The following CSNK2A2IP variants were observed in gnomAD, a reference collection of about 807,000 sequenced individuals.
The protein encoded by CSNK2A2IP is casein kinase II subunit alpha'-interacting protein.
the CSNK2A2IP span, among the ~76,000 whole-genome samples, chr3:88,427,379 A>C: frequency 6.6e-6 from 1 of 152,192 alleles, no homozygotes. Context: ...AGGAAAGAAA[A>C]ACCCATTTTC....
At chr3:88,460,441 C>T in the CSNK2A2IP span, among the ~76,000 whole-genome samples, 1 of 152,150 alleles carries the variant, frequency 6.6e-6, no homozygotes, top group Non-Finnish European at 1.5e-5. Context: ...TCACTACCTG[C>T]CCCCACCTCA....
At chr3:88,386,316 G>C in the CSNK2A2IP span, among the ~76,000 whole-genome samples, 17 of 152,144 alleles carry the variant, frequency 1.1e-4, no homozygotes, top group African/African-American at 4.1e-4. Flanking sequence ...AGTAGAGACA[G>C]GGTTTCACCA....
chr3:88,382,662 C>T, the CSNK2A2IP span: 1 of 152,030 alleles, frequency 6.6e-6, no homozygotes, highest in Non-Finnish European at 1.5e-5. Context: ...GGAAGCAGGG[C>T]ATTGGGCCCA....
chr3:88,405,542 C>T, the CSNK2A2IP span, among the ~76,000 whole-genome samples: 7 of 152,168 alleles, frequency 4.6e-5, no homozygotes, highest in Admixed American at 4.6e-4. Flanking sequence ...CTTTGGCTTT[C>T]AGAAACCCTA....
chr3:88,436,598 G>A, the CSNK2A2IP span, among the ~76,000 whole-genome samples: 3 of 151,912 alleles, frequency 2.0e-5, no homozygotes, highest in Non-Finnish European at 2.9e-5. Context: ...ACTTTTAAAA[G>A]GAAAGAAATA....
the CSNK2A2IP span, chr3:88,338,559 C>T: frequency 6.6e-6 from 1 of 152,128 alleles, no homozygotes; most frequent in Non-Finnish European, 1.5e-5. Context: ...ACATTTGTTT[C>T]CTCACCAGTG....
the CSNK2A2IP span, among the ~76,000 whole-genome samples, chr3:88,362,880 T>C: frequency 6.6e-6 from 1 of 152,040 alleles, no homozygotes; most frequent in Non-Finnish European, 1.5e-5. Flanking sequence ...TCCCTAAGAC[T>C]CCTCTCTGCG....
the CSNK2A2IP span, among the ~76,000 whole-genome samples, chr3:88,437,509 C>A: frequency 6.6e-6 from 1 of 152,288 alleles, no homozygotes; most frequent in South Asian, 2.1e-4. Flanking sequence ...AGAAGAGACT[C>A]TTCAGTCATA....
At chr3:88,372,809 T>C in the CSNK2A2IP span, among the ~76,000 whole-genome samples, 1 of 151,388 alleles carries the variant, frequency 6.6e-6, no homozygotes, top group Non-Finnish European at 1.5e-5. Flanking sequence ...AATGTGCAAA[T>C]GGTAAGCATA....
chr3:88,449,037 T>C, the CSNK2A2IP span, among the ~76,000 whole-genome samples: 2 of 152,116 alleles, frequency 1.3e-5, no homozygotes, highest in African/African-American at 4.8e-5. Flanking sequence ...GGGCTTGCCC[T>C]CTCTCTCCCT....
At chr3:88,390,324 G>A in the CSNK2A2IP span, among the ~76,000 whole-genome samples, 1 of 152,132 alleles carries the variant, frequency 6.6e-6, no homozygotes, top group Non-Finnish European at 1.5e-5. Context: ...TAAACATCAG[G>A]TCATGAGATT....
the CSNK2A2IP span, among the ~76,000 whole-genome samples, chr3:88,426,146 G>T: frequency 6.6e-6 from 1 of 152,140 alleles, no homozygotes; most frequent in Non-Finnish European, 1.5e-5. Flanking sequence ...CATTGTTTTT[G>T]ATATTCATGC....
chr3:88,466,520 T>A, the CSNK2A2IP span: 3 of 1,231,822 alleles, frequency 2.4e-6, no homozygotes, highest in Non-Finnish European at 3.0e-6. Context: ...GCTTCAACAT[T>A]AGGTTTCAGA....
At chr3:88,348,761 C>T in the CSNK2A2IP span, among the ~76,000 whole-genome samples, 5 of 152,112 alleles carry the variant, frequency 3.3e-5, no homozygotes, top group African/African-American at 1.2e-4. Flanking sequence ...TTTTTACTAG[C>T]TGTCAGCTAC....
chr3:88,390,307 T>A, the CSNK2A2IP span, among the ~76,000 whole-genome samples: 3 of 152,160 alleles, frequency 2.0e-5, no homozygotes, highest in Admixed American at 2.0e-4. Context: ...AGCATTTTGG[T>A]AAAGGTTAAA....
chr3:88,453,047 C>A, the CSNK2A2IP span, among the ~76,000 whole-genome samples: 1 of 152,018 alleles, frequency 6.6e-6, no homozygotes, highest in Non-Finnish European at 1.5e-5. Context: ...CTGAGCTTGA[C>A]GAGGCAGAAA....
chr3:88,428,686 T>C, the CSNK2A2IP span, among the ~76,000 whole-genome samples: 1,306 of 152,262 alleles, frequency 8.6e-3, 16 homozygotes, highest in African/African-American at 0.029. Flanking sequence ...TCTAAAACTA[T>C]ACTGGATATT....
the CSNK2A2IP span, chr3:88,465,226 A>G: frequency 1.7e-5 from 8 of 467,096 alleles, no homozygotes; most frequent in East Asian, 2.1e-4. Context: ...TAACAGAAAT[A>G]TTGCAAGATA....
the CSNK2A2IP span, among the ~76,000 whole-genome samples, chr3:88,396,813 C>T: frequency 6.6e-6 from 1 of 152,060 alleles, no homozygotes; most frequent in South Asian, 2.1e-4. Context: ...TGGAGTAAAG[C>T]CATAGTTGAA....
Sources: allele counts gnomAD v4.1 joint callset (sites outside exome capture counted in the v4.1 genomes callset), GRCh38; gene constraint gnomAD v4.1.1; transcripts MANE v1.5; gene names NCBI Gene and HGNC (gene_info 2026-07-23, HGNC 2026-07-21).